The following PROCR variants were observed in gnomAD, a reference collection of about 807,000 sequenced individuals.
PROCR encodes endothelial protein C receptor.
PROCR carries 22 observed loss-of-function variants against 24.2 expected under a neutral mutation model. The observed-to-expected ratio is 0.91, with a 90% confidence interval of 0.65 to 1.30. PROCR has a LOEUF of 1.30. Ranked by LOEUF, PROCR falls within the 50% of genes most tolerant of loss-of-function variation. The pLI, the probability that PROCR is intolerant of heterozygous loss-of-function variation, is 0.00. For missense variants in PROCR, 288 were observed against 307.7 expected, an observed-to-expected ratio of 0.94 and a Z score of 0.48; for synonymous variants, 137 against 139.2, an observed-to-expected ratio of 0.98 and a Z score of 0.11.
chr20:35,187,424 C>A (rs900246492), intron 1 of PROCR, among the ~76,000 whole-genome samples: 2 of 152,156 alleles, frequency 1.3e-5, no homozygotes, highest in Non-Finnish European at 2.9e-5. Flanking sequence ...GCCCAAAGTT[C>A]CACAGTGATG....
At chr20:35,212,485 G>C (rs943656194) in intron 1 of PROCR, among the ~76,000 whole-genome samples, 5 of 152,136 alleles carry the variant, frequency 3.3e-5, no homozygotes, top group African/African-American at 9.7e-5. Context: ...TCCTGCAAGA[G>C]GGCAAGATGA....
At chr20:35,195,322 T>A (rs2086206338) in intron 1 of PROCR, 1 of 152,102 alleles carries the variant, frequency 6.6e-6, no homozygotes, top group African/African-American at 2.4e-5. Flanking sequence ...AGATATACCA[T>A]CCTGAATGCA....
chr20:35,174,562 G>T, intron 1 of PROCR, 140 bp from the exon 2 acceptor site: 1 of 1,032,740 alleles, frequency 9.7e-7, no homozygotes. Flanking sequence ...CGTCAAACGG[G>T]AGAAGCGGTG....
At chr20:35,198,863 C>T (rs572003225) in intron 1 of PROCR, among the ~76,000 whole-genome samples, 1 of 152,128 alleles carries the variant, frequency 6.6e-6, no homozygotes, top group East Asian at 1.9e-4. Context: ...TACAGGTGTA[C>T]ACCACCATGC....
chr20:35,174,515 A>G, intron 1 of PROCR, 187 bp from the exon 2 acceptor site: 1 of 721,842 alleles, frequency 1.4e-6, no homozygotes, highest in Non-Finnish European at 2.4e-6. Flanking sequence ...CGGAGATAAT[A>G]ATCCCTGTCC....
Position 35,176,170 on chromosome 20 carries a change from C to T in PROCR, c.325C>T (p.Pro109Ser), listed in dbSNP as rs1287887738. 22 of 1,613,994 alleles carry T rather than the reference C, an allele frequency of 1.4e-5. No individual in the cohort carries two copies. The highest frequency in any genetic ancestry group is 1.7e-5 in the Non-Finnish European group (20 of 1,179,868). The change falls in exon 3 of 4, where the codon CCT (proline) becomes TCT (serine). Residue 109 changes from proline to serine, a missense_variant and splice_region_variant. By Grantham distance (74) the Pro-to-Ser change is moderately conservative (BLOSUM62 -1). Coordinates refer to ENST00000216968, the MANE Select transcript of PROCR (RefSeq NM_006404.5). Reference sequence around the variant, plus strand: ...TGACCCTGACTGTCTATCCACAGTTCCTCTGACCATCCGCTGCTTCCTGGG... The same window carrying T: ...TGACCCTGACTGTCTATCCACAGTTTCTCTGACCATCCGCTGCTTCCTGGG... ...LVHQERTLAFPLTIRCFLGCE... is the reference protein window; with the variant it reads ...LVHQERTLAFSLTIRCFLGCE...
chr20:35,185,446 A>G (rs2086116524), intron 1 of PROCR, among the ~76,000 whole-genome samples: 1 of 152,248 alleles, frequency 6.6e-6, no homozygotes, highest in Non-Finnish European at 1.5e-5. Context: ...GCAAGTTTAT[A>G]GCAGCACAAT....
chr20:35,206,190 C>T (rs1490792383), intron 1 of PROCR, among the ~76,000 whole-genome samples: 1 of 151,488 alleles, frequency 6.6e-6, no homozygotes, highest in Non-Finnish European at 1.5e-5. Context: ...ATAAAGAACC[C>T]TCAGTAGGGC....
intron 1 of PROCR, among the ~76,000 whole-genome samples, chr20:35,185,974 G>A (rs193128960): frequency 1.3e-5 from 2 of 152,358 alleles, no homozygotes; most frequent in African/African-American, 4.8e-5. Context: ...ATTGCTGGTG[G>A]CAATGGTATA....
downstream of PROCR, among the ~76,000 whole-genome samples, chr20:35,181,165 G>C (rs189174009): frequency 7.4e-4 from 113 of 152,176 alleles, no homozygotes; most frequent in African/African-American, 2.6e-3. Flanking sequence ...ACCACGCCTG[G>C]ACTGTTTTTT....
chr20:35,173,082 C>T (rs551563924), intron 1 of PROCR, among the ~76,000 whole-genome samples: 3 of 152,288 alleles, frequency 2.0e-5, no homozygotes, highest in Non-Finnish European at 2.9e-5. Context: ...AGATACAAAG[C>T]ACAACTTCTC....
At position 35,176,770 on chromosome 20, in the gene PROCR, T is replaced by C. The variant is rs2086024040; in HGVS notation, c.674T>C (p.Val225Ala). Reference protein sequence around the residue: ...VLVGSFIIAGVAVGIFLCTGG... With the variant: ...VLVGSFIIAGAAVGIFLCTGG... ...GTGGGCAGTTTCATCATTGCTGGTG[T>C]GGCTGTAGGCATCTTCCTGTGCACA... Residue 225 changes from valine to alanine, a missense_variant, in exon 4 of 4, where the codon GTG becomes GCG. By Grantham distance (64) the Val-to-Ala change is moderately conservative. Coordinates refer to ENST00000216968, the MANE Select transcript of PROCR (RefSeq NM_006404.5). 1 of 1,614,036 alleles carries C rather than the reference T, an allele frequency of 6.2e-7. No individual in the cohort carries two copies. The highest frequency in any genetic ancestry group is 2.2e-5 in the East Asian group (1 of 44,870).
chr20:35,205,752 AATATATATAT>A lies in PROCR; in HGVS notation c.95-10114_95-10105del, dbSNP rs200029202. Among the ~76,000 whole-genome samples, 62 of 102,666 alleles carry A rather than the reference AATATATATAT, an allele frequency of 6.0e-4. 6 individuals carry two copies. The highest frequency in any genetic ancestry group is 5.2e-3 in the Middle Eastern group (1 of 194). The allele number at this position is 102,666 out of a possible 152,430, so 67.4% of individuals were successfully genotyped here. On this transcript the variant is annotated intron_variant, in intron 1 of 1. Transcript: ENST00000634509. ...GGCAACAAGGACAAAACTCTGTCTA[AATATATATAT>A]ATATATATATATATATATATATATA...
chr20:35,208,453 G>A (rs1444393715), intron 1 of PROCR, among the ~76,000 whole-genome samples: 3 of 152,178 alleles, frequency 2.0e-5, no homozygotes, highest in Non-Finnish European at 4.4e-5. Context: ...CCAAGGGAAG[G>A]AGACTTAACC....
chr20:35,176,107 C>T, intron 2 of PROCR, 61 bp from the exon 3 acceptor site: 2 of 1,547,932 alleles, frequency 1.3e-6, no homozygotes, highest in Non-Finnish European at 1.8e-6. Flanking sequence ...CCTTGGTGGG[C>T]CTCGCCCCAC....
intron 1 of PROCR, among the ~76,000 whole-genome samples, chr20:35,186,753 C>A (rs1471335253): frequency 2.6e-5 from 4 of 151,564 alleles, no homozygotes; most frequent in Admixed American, 2.6e-4. Context: ...TCGAGACCAT[C>A]CTTGCTAACA....
At chr20:35,182,363 G>A (rs991072740) in intron 1 of PROCR, among the ~76,000 whole-genome samples, 2 of 152,024 alleles carry the variant, frequency 1.3e-5, no homozygotes, top group African/African-American at 4.8e-5. Flanking sequence ...TTGGTGGCAC[G>A]ATCATGGCTC....
downstream of PROCR, among the ~76,000 whole-genome samples, chr20:35,178,758 GCCCACCTCGGCCT>G (rs2030831926): frequency 1.4e-5 from 2 of 143,300 alleles, no homozygotes; most frequent in African/African-American, 2.6e-5. Flanking sequence ...CTCGTGATCC[GCCCACCTCGGCCT>G]CCCAAAGTGC....
intron 1 of PROCR, among the ~76,000 whole-genome samples, chr20:35,207,696 A>G (rs575444191): frequency 2.6e-5 from 4 of 151,792 alleles, no homozygotes; most frequent in African/African-American, 9.7e-5. Context: ...CACCTGGCTA[A>G]TTTTCATATT....
Sources: allele counts gnomAD v4.1 joint callset (sites outside exome capture counted in the v4.1 genomes callset), GRCh38; gene constraint gnomAD v4.1.1; transcripts MANE v1.5; gene names NCBI Gene and HGNC (gene_info 2026-07-23, HGNC 2026-07-21).